The following DSCAM variants were observed in gnomAD, a reference collection of about 807,000 sequenced individuals.
DSCAM encodes the protein cell adhesion molecule DSCAM.
A neutral mutation model predicts 217.7 loss-of-function variants in DSCAM; 47 were observed. The observed-to-expected ratio is 0.22, with a 90% CI of 0.17 to 0.28. The LOEUF (loss-of-function observed/expected upper bound fraction) is 0.28. DSCAM is among the 10% of genes least tolerant of loss of function. The pLI, the probability that DSCAM is intolerant of heterozygous loss-of-function variation, is 1.00. For missense variants in DSCAM, 2,080 were observed against 2,618.3 expected (o/e 0.79, Z 4.49); for synonymous variants, 1,056 against 1,015.3 (o/e 1.04, Z -0.76).
intron 3 of DSCAM, among the ~76,000 whole-genome samples, chr21:40,504,846 T>G (rs2076197709): frequency 6.7e-6 from 1 of 148,604 alleles, no homozygotes; most frequent in Non-Finnish European, 1.5e-5. Flanking sequence ...CATTACTTTA[T>G]TATCAGAAAA....
intron 3 of DSCAM, among the ~76,000 whole-genome samples, chr21:40,473,396 G>C (rs1442780582): frequency 6.6e-6 from 1 of 152,184 alleles, no homozygotes; most frequent in Admixed American, 6.5e-5. Context: ...TAAATCAAGA[G>C]GGGGCTGAGA....
intron 20 of DSCAM, among the ~76,000 whole-genome samples, chr21:40,100,115 C>G (rs1428327914): frequency 6.6e-6 from 1 of 152,142 alleles, no homozygotes; most frequent in Non-Finnish European, 1.5e-5. Flanking sequence ...GCATGAAATG[C>G]CTCCAACAGA....
intron 3 of DSCAM, among the ~76,000 whole-genome samples, chr21:40,566,783 T>C (rs571788738): frequency 1.2e-4 from 19 of 152,160 alleles, no homozygotes; most frequent in Non-Finnish European, 1.8e-4. Context: ...CCTCCACTCA[T>C]GTATTCATGT....
intron 3 of DSCAM, among the ~76,000 whole-genome samples, chr21:40,531,319 T>A (rs1282679548): frequency 6.6e-6 from 1 of 152,184 alleles, no homozygotes; most frequent in Non-Finnish European, 1.5e-5. Flanking sequence ...GGTACACCGT[T>A]CCAGCCACCA....
intron 2 of DSCAM, among the ~76,000 whole-genome samples, chr21:40,700,993 T>TC (rs2090650367): frequency 6.6e-6 from 1 of 152,156 alleles, no homozygotes; most frequent in African/African-American, 2.4e-5. Context: ...TGCCTTGGTC[T>TC]CCCAAAAGTG....
At chr21:40,380,629 T>G (rs2075010509) in intron 3 of DSCAM, among the ~76,000 whole-genome samples, 2 of 152,128 alleles carry the variant, frequency 1.3e-5, no homozygotes, top group African/African-American at 4.8e-5. Context: ...GACGTGCACT[T>G]CAGCAGAGCC....
intron 15 of DSCAM, 125 bp downstream of exon 15, chr21:40,178,802 G>C: frequency 8.7e-7 from 1 of 1,149,806 alleles, no homozygotes; most frequent in East Asian, 2.6e-5. Flanking sequence ...CAGAACTACG[G>C]AGAGCACGCA....
intron 3 of DSCAM, among the ~76,000 whole-genome samples, chr21:40,661,667 C>T (rs2090140599): frequency 6.6e-6 from 1 of 152,144 alleles, no homozygotes; most frequent in Non-Finnish European, 1.5e-5. Flanking sequence ...AAATCATTAA[C>T]ACTAACAGAT....
chr21:40,727,350 C>T (rs2090966591), intron 1 of DSCAM, among the ~76,000 whole-genome samples: 1 of 152,086 alleles, frequency 6.6e-6, no homozygotes, highest in Admixed American at 6.5e-5. Flanking sequence ...TCTTGCCTTC[C>T]TCCTCATGTA....
chr21:40,716,098 A>G (rs2090839119), intron 1 of DSCAM, among the ~76,000 whole-genome samples: 1 of 152,234 alleles, frequency 6.6e-6, no homozygotes, highest in South Asian at 2.1e-4. Flanking sequence ...ATGGGGGATT[A>G]CTGTCACTTC....
chr21:40,778,293 T>TA (rs200766399), intron 1 of DSCAM, among the ~76,000 whole-genome samples: 10 of 151,356 alleles, frequency 6.6e-5, no homozygotes, highest in South Asian at 2.1e-4. Flanking sequence ...GTATCTGGGT[T>TA]AAAAAAAAAT....
At chr21:40,154,394 C>T (rs2146742887) in intron 16 of DSCAM, among the ~76,000 whole-genome samples, 1 of 152,148 alleles carries the variant, frequency 6.6e-6, no homozygotes, top group East Asian at 1.9e-4. Context: ...CCTGGGATCA[C>T]AGACATGTCA....
chr21:40,452,149 T>G (rs910369319), intron 3 of DSCAM, among the ~76,000 whole-genome samples: 3 of 151,964 alleles, frequency 2.0e-5, no homozygotes, highest in Admixed American at 2.0e-4. Flanking sequence ...GAACACTGTA[T>G]AGATACACAG....
At chr21:40,076,176 C>T (rs1264606926) in intron 26 of DSCAM, among the ~76,000 whole-genome samples, 1 of 152,104 alleles carries the variant, frequency 6.6e-6, no homozygotes, top group South Asian at 2.1e-4. Context: ...CCTCTGTGAT[C>T]TCTGCTAAAG....
At chr21:40,357,335 C>T (rs958482551) in intron 4 of DSCAM, among the ~76,000 whole-genome samples, 3 of 152,166 alleles carry the variant, frequency 2.0e-5, no homozygotes, top group Non-Finnish European at 4.4e-5. Context: ...TGATGTCTCA[C>T]TGATCTCTGG....
Position 40,042,344 on chromosome 21 carries a change from G to A in DSCAM, c.5686+27C>T, listed in dbSNP as rs145854189. The A allele has an allele frequency of 2.5e-4, 408 of 1,605,956 alleles. No homozygotes were observed. The African/African-American group carries it at 4.3e-3, about 17-fold the overall frequency. On this transcript the variant is annotated intron_variant, in intron 32 of 32. Transcript: ENST00000400454. Reference sequence around the variant, plus strand: ...AGGAAGGTGCACTTCCCTAAGCGACGGCCCCCAGGTGGCCTTGCTCACCTA... The same window carrying A: ...AGGAAGGTGCACTTCCCTAAGCGACAGCCCCCAGGTGGCCTTGCTCACCTA...
In DSCAM at chr21:40,575,795, C is replaced by T. The variant is rs551799025; in HGVS notation, c.508+117015G>A. 3.2e-3 allele frequency among the ~76,000 whole-genome samples: 484 copies of T among 151,668 alleles called. 6 individuals are homozygous for T. The highest frequency in any genetic ancestry group is 0.011 in the African/African-American group (456 of 41,266). ...ATATTAAAAAAAAAAACTCTTGCAACTCAGTAGTAAGAAGGCAACCCAAGA... is the reference window on the plus strand; with the variant it reads ...ATATTAAAAAAAAAAACTCTTGCAATTCAGTAGTAAGAAGGCAACCCAAGA... On this transcript the variant is annotated intron_variant, in intron 3 of 32. Coordinates refer to ENST00000400454, the MANE Select transcript of DSCAM (RefSeq NM_001389.5).
chr21:40,157,661 A>G (rs2090493291), intron 16 of DSCAM, among the ~76,000 whole-genome samples: 1 of 151,724 alleles, frequency 6.6e-6, no homozygotes, highest in Non-Finnish European at 1.5e-5. Flanking sequence ...TTCTTTCTCT[A>G]GAGCTAGGCT....
intron 1 of DSCAM, among the ~76,000 whole-genome samples, chr21:40,719,663 A>G (rs747490308): frequency 6.6e-6 from 1 of 152,260 alleles, no homozygotes; most frequent in Non-Finnish European, 1.5e-5. Flanking sequence ...TCACACAACT[A>G]TAATGGTGAA....
Sources: gnomAD v4.1 joint callset for allele counts (sites outside exome capture counted in the v4.1 genomes callset) on GRCh38, gnomAD v4.1.1 for gene constraint, MANE v1.5 for transcripts, NCBI Gene and HGNC (gene_info 2026-07-23, HGNC 2026-07-21) for gene names.